The following LINGO2 variants were observed in gnomAD, a reference collection of about 807,000 sequenced individuals.
LINGO2 encodes the protein leucine rich repeat and Ig domain containing 2, also known as leucine-rich repeat and immunoglobulin-like domain-containing nogo receptor-interacting protein 2.
Under a neutral mutation model 30.6 loss-of-function variants are expected in LINGO2, and 14 were observed. That is an observed-to-expected ratio of 0.46 (90% CI 0.30 to 0.72). LINGO2 has a LOEUF of 0.72. LINGO2 is among the 30% of genes least tolerant of loss of function. The pLI is 0.07. For synonymous variants in LINGO2, 317 were observed against 288.5 expected (o/e 1.10, Z -1.00); for missense variants, 729 against 751.7 (o/e 0.97, Z 0.35).
chr9:28,298,657 T>C lies in LINGO2; in HGVS notation c.-245-3291A>G, dbSNP rs1003120860. 2.9e-3 allele frequency among the ~76,000 whole-genome samples: 433 copies of C among 147,918 alleles called. 3 individuals carry two copies. Among genetic ancestry groups the C allele is most frequent in the African/African-American group, 0.01 (415 of 39,998 alleles). The stretch of plus-strand genomic sequence containing the variant: ...GAGATTGTGCCATTGCACTCCAGCC[T>C]GGGCAACAAGAGCAAAACTCTGTCT... On this transcript the variant is annotated intron_variant, in intron 3 of 5. Transcript: ENST00000379992.
At chr9:28,868,448 TTC>T in the LINGO2 span, among the ~76,000 whole-genome samples, 1 of 152,060 alleles carries the variant, frequency 6.6e-6, no homozygotes, top group African/African-American at 2.4e-5. Context: ...TGTGTATGTT[TTC>T]TCTTTTGTTC....
intron 2 of LINGO2, among the ~76,000 whole-genome samples, chr9:28,473,973 A>G (rs1348384866): frequency 6.6e-6 from 1 of 152,156 alleles, no homozygotes; most frequent in Non-Finnish European, 1.5e-5. Context: ...GAAAAATTCA[A>G]TCTTCCTTTA....
intron 5 of LINGO2, among the ~76,000 whole-genome samples, chr9:28,001,285 G>T (rs532669955): frequency 1.4e-4 from 21 of 152,250 alleles, no homozygotes; most frequent in Admixed American, 3.9e-4. Flanking sequence ...GAAGCCCTCA[G>T]GGCACTTTCA....
At chr9:28,206,908 T>C (rs995620993) in intron 4 of LINGO2, among the ~76,000 whole-genome samples, 1 of 152,182 alleles carries the variant, frequency 6.6e-6, no homozygotes, top group African/African-American at 2.4e-5. Context: ...GGATAGTTTT[T>C]GTTCACTTAA....
chr9:28,602,064 A>C (rs1229108672), intron 1 of LINGO2, among the ~76,000 whole-genome samples: 1 of 152,070 alleles, frequency 6.6e-6, no homozygotes, highest in Admixed American at 6.6e-5. Context: ...AGAAATGAGC[A>C]AGGGAGTGGG....
chr9:28,600,576 C>T (rs1825418402), intron 1 of LINGO2, among the ~76,000 whole-genome samples: 1 of 152,034 alleles, frequency 6.6e-6, no homozygotes, highest in African/African-American at 2.4e-5. Flanking sequence ...GTGTGAATTA[C>T]TAAATAGAGT....
the LINGO2 span, among the ~76,000 whole-genome samples, chr9:28,982,596 A>G: frequency 6.6e-6 from 1 of 152,050 alleles, no homozygotes; most frequent in Non-Finnish European, 1.5e-5. Flanking sequence ...TAATGTTGCA[A>G]CAAAACAAAG....
At chr9:28,556,994 A>G (rs1822742459) in intron 1 of LINGO2, among the ~76,000 whole-genome samples, 1 of 151,952 alleles carries the variant, frequency 6.6e-6, no homozygotes, top group South Asian at 2.1e-4. Context: ...ACAAAAATCA[A>G]TTCAAGATGG....
chr9:29,156,058 C>G, the LINGO2 span, among the ~76,000 whole-genome samples: 2 of 151,964 alleles, frequency 1.3e-5, no homozygotes, highest in African/African-American at 2.4e-5. Flanking sequence ...CTAAAGTAGC[C>G]CTTAGAATTA....
chr9:28,269,545 G>A (rs1000486581), intron 4 of LINGO2, among the ~76,000 whole-genome samples: 4 of 151,962 alleles, frequency 2.6e-5, no homozygotes, highest in African/African-American at 4.8e-5. Context: ...AAATTACTCA[G>A]AGGTTTTATG....
At chr9:28,007,330 G>T (rs1159055339) in intron 5 of LINGO2, among the ~76,000 whole-genome samples, 3 of 152,012 alleles carry the variant, frequency 2.0e-5, no homozygotes, top group Admixed American at 2.0e-4. Flanking sequence ...GAAAACAATT[G>T]CATGGTAGAA....
chr9:28,229,546 A>G (rs1302659085), intron 4 of LINGO2, among the ~76,000 whole-genome samples: 4 of 151,800 alleles, frequency 2.6e-5, no homozygotes, highest in Non-Finnish European at 4.4e-5. Flanking sequence ...TAGACATAAA[A>G]CAGAAGGCAA....
chr9:28,876,983 G>T, the LINGO2 span, among the ~76,000 whole-genome samples: 1 of 152,096 alleles, frequency 6.6e-6, no homozygotes, highest in Non-Finnish European at 1.5e-5. Context: ...GTTTTGATTT[G>T]CATTTGTCTG....
intron 2 of LINGO2, among the ~76,000 whole-genome samples, chr9:28,467,610 C>G (rs374229397): frequency 6.6e-6 from 1 of 152,008 alleles, no homozygotes; most frequent in African/African-American, 2.4e-5. Context: ...CTGATTAAAA[C>G]TAGAAAACTA....
rs180693389 is a variant in LINGO2, at chr9:28,119,852, C to T, written c.-86-107447G>A. Among the ~76,000 whole-genome samples the T allele has an allele frequency of 1.0e-3, 159 of 152,246 alleles. 1 individual carries two copies. The highest frequency in any genetic ancestry group is 4.1e-4 in the Non-Finnish European group (28 of 67,990). Reference sequence around the variant, plus strand: ...AGGTAAATGCACTATGAAAAATAAACAAGCACAAAAACACCCTTCAAGATT... The same window carrying T: ...AGGTAAATGCACTATGAAAAATAAATAAGCACAAAAACACCCTTCAAGATT... On this transcript the variant is annotated intron_variant, in intron 4 of 5. Transcript: ENST00000379992.
At chr9:29,049,762 T>C in the LINGO2 span, among the ~76,000 whole-genome samples, 1 of 152,036 alleles carries the variant, frequency 6.6e-6, no homozygotes, top group African/African-American at 2.4e-5. Flanking sequence ...ATTGTACTCA[T>C]TAACATAGAG....
intron 1 of LINGO2, among the ~76,000 whole-genome samples, chr9:28,527,166 G>A: frequency 6.6e-6 from 1 of 152,064 alleles, no homozygotes; most frequent in South Asian, 2.1e-4. Context: ...CGCTGTACAG[G>A]CAAGCAAACT....
At chr9:28,473,419 A>C (rs945434712) in intron 2 of LINGO2, among the ~76,000 whole-genome samples, 3 of 151,908 alleles carry the variant, frequency 2.0e-5, no homozygotes, top group African/African-American at 7.3e-5. Flanking sequence ...TCTCACACAC[A>C]CACACATACA....
the LINGO2 span, among the ~76,000 whole-genome samples, chr9:29,023,419 TA>T: frequency 6.6e-6 from 1 of 152,098 alleles, no homozygotes; most frequent in Non-Finnish European, 1.5e-5. Context: ...AGTACCTGCT[TA>T]AAAATTATCT....
Sources: allele counts gnomAD v4.1 joint callset (sites outside exome capture counted in the v4.1 genomes callset), GRCh38; gene constraint gnomAD v4.1.1; transcripts MANE v1.5; gene names NCBI Gene and HGNC (gene_info 2026-07-23, HGNC 2026-07-21).